ZC2HC1B: variants seen among roughly 807,000 people sequenced by gnomAD.
ZC2HC1B encodes zinc finger C2HC-type containing 1B, also known as zinc finger C2HC domain-containing protein 1B.
ZC2HC1B carries 36 observed loss-of-function variants against 31.0 expected under a neutral mutation model. The observed-to-expected ratio is 1.16, with a 90% confidence interval of 0.89 to 1.54. The LOEUF (loss-of-function observed/expected upper bound fraction) is 1.54. Ranked by LOEUF, ZC2HC1B falls within the 40% of genes most tolerant of loss-of-function variation. ZC2HC1B has a pLI of 0.00. For missense variants in ZC2HC1B, 260 were observed against 268.6 expected (o/e 0.97, Z 0.22); for synonymous variants, 73 against 88.0 (o/e 0.83, Z 0.95).
Position 143,910,029 on chromosome 6 carries a change from C to T in ZC2HC1B, c.598+6877C>T, listed in dbSNP as rs540899309. Among the ~76,000 whole-genome samples, 33 of 152,088 alleles carry T rather than the reference C, an allele frequency of 2.2e-4. 2 individuals carry two copies. The highest frequency in any genetic ancestry group is 1.1e-3 in the Admixed American group (17 of 15,270). ...TCAATTTGAGCTCTTTCTAGCTTTTCGATGTGGGCATTTAGTGCTGTAAAT... is the reference window on the plus strand; with the variant it reads ...TCAATTTGAGCTCTTTCTAGCTTTTTGATGTGGGCATTTAGTGCTGTAAAT... On this transcript the variant is annotated intron_variant, in intron 6 of 7. Transcript: ENST00000237275.
chr6:143,932,747 G>A (rs1297388362), intron 6 of ZC2HC1B, among the ~76,000 whole-genome samples: 1 of 152,130 alleles, frequency 6.6e-6, no homozygotes, highest in African/African-American at 2.4e-5. Context: ...TTGTCATATT[G>A]CCAGAATTGC....
chr6:143,937,228 G>A (rs1315093121), intron 6 of ZC2HC1B, among the ~76,000 whole-genome samples: 1 of 152,040 alleles, frequency 6.6e-6, no homozygotes, highest in Non-Finnish European at 1.5e-5. Flanking sequence ...ACCCTAAGCA[G>A]GGAAGGCAGC....
At chr6:143,916,312 T>G (rs762889612) in intron 6 of ZC2HC1B, among the ~76,000 whole-genome samples, 3 of 152,182 alleles carry the variant, frequency 2.0e-5, no homozygotes, top group Non-Finnish European at 4.4e-5. Flanking sequence ...TTTCAGAAGA[T>G]GTATGGAAAC....
At chr6:143,916,799 T>C (rs1272815487) in intron 6 of ZC2HC1B, among the ~76,000 whole-genome samples, 1 of 152,244 alleles carries the variant, frequency 6.6e-6, no homozygotes, top group Non-Finnish European at 1.5e-5. Flanking sequence ...CCAGCACCTG[T>C]ACCCCCATTG....
At chr6:143,867,621 C>G (rs1777280356) in intron 1 of ZC2HC1B, among the ~76,000 whole-genome samples, 1 of 152,192 alleles carries the variant, frequency 6.6e-6, no homozygotes, top group South Asian at 2.1e-4. Flanking sequence ...TCCAACTGAT[C>G]TAGAGATCAG....
rs1207130260 is a variant in ZC2HC1B at position 143,871,120 on chromosome 6, C to G, written c.28+6553C>G. On this transcript the variant is annotated intron_variant, in intron 1 of 7. Transcript: ENST00000237275. The surrounding 1 kb of genome is among the most constrained non-coding windows in gnomAD (Gnocchi z 4.1). ...CTCAACAGGACCCATACCACTGGACCCCTAGAAATTTTATTGTGGAAGAAG... is the reference window on the plus strand; with the variant it reads ...CTCAACAGGACCCATACCACTGGACGCCTAGAAATTTTATTGTGGAAGAAG... 6.6e-6 allele frequency among the ~76,000 whole-genome samples: 1 copy of G among 152,084 alleles called. No homozygotes were observed. Among genetic ancestry groups the G allele is most frequent in the African/African-American group, 2.4e-5 (1 of 41,424 alleles).
Position 143,913,290 on chromosome 6 carries a change from G to A in ZC2HC1B, c.598+10138G>A, listed in dbSNP as rs765216240. Among the ~76,000 whole-genome samples the A allele has an allele frequency of 2.0e-5, 3 of 152,112 alleles. No homozygotes were observed. The highest frequency in any genetic ancestry group is 7.2e-5 in the African/African-American group (3 of 41,408). ...GCAAAGCTGCTGTGTTGTACTTCTA[G>A]GGAAACCCTTCCTTGTCTGGACGGT... On this transcript the variant is annotated intron_variant, in intron 6 of 7. Transcript: ENST00000237275. The surrounding 1 kb of genome is among the most constrained non-coding windows in gnomAD (Gnocchi z 5.7).
At chr6:143,901,752 C>T (rs1328121802) in intron 5 of ZC2HC1B, among the ~76,000 whole-genome samples, 1 of 152,108 alleles carries the variant, frequency 6.6e-6, no homozygotes, top group Non-Finnish European at 1.5e-5. Context: ...CTCTACATTA[C>T]CCCACCCTCC....
At chr6:143,876,259 C>A (rs931931765) in intron 1 of ZC2HC1B, among the ~76,000 whole-genome samples, 5 of 150,418 alleles carry the variant, frequency 3.3e-5, no homozygotes, top group Admixed American at 3.3e-4. Flanking sequence ...TTACTCTGTC[C>A]CCTGAACTTA....
chr6:143,897,762 G>T (rs757688931), intron 4 of ZC2HC1B, among the ~76,000 whole-genome samples: 2 of 151,878 alleles, frequency 1.3e-5, no homozygotes, highest in East Asian at 1.9e-4. Flanking sequence ...CAGTCCCATT[G>T]ACTTCCATTC....
chr6:143,933,271 T>C lies in ZC2HC1B; in HGVS notation c.599-4378T>C, dbSNP rs963895081. ...CTATAATGTTCTGAGTTGGTTAACCTTGAGCCAGGAGGTGGTGCTTTTGAG... is the reference window on the plus strand; with the variant it reads ...CTATAATGTTCTGAGTTGGTTAACCCTGAGCCAGGAGGTGGTGCTTTTGAG... On this transcript the variant is annotated intron_variant, in intron 6 of 7. Transcript: ENST00000237275. This position sits in a 1 kb window ranked among gnomAD's most constrained non-coding sequence, Gnocchi z 6.4. 6.6e-6 allele frequency among the ~76,000 whole-genome samples: 1 copy of C among 152,176 alleles called. No homozygotes were observed. Among genetic ancestry groups the C allele is most frequent in the Non-Finnish European group, 1.5e-5 (1 of 68,026 alleles).
chr6:143,932,654 T>C (rs989895598), intron 6 of ZC2HC1B, among the ~76,000 whole-genome samples: 10 of 152,238 alleles, frequency 6.6e-5, no homozygotes, highest in Non-Finnish European at 1.5e-4. Flanking sequence ...ATTCTTTATC[T>C]GGCAGTTCAG....
intron 4 of ZC2HC1B, among the ~76,000 whole-genome samples, chr6:143,888,161 T>C (rs1777553427): frequency 6.6e-6 from 1 of 152,170 alleles, no homozygotes; most frequent in African/African-American, 2.4e-5. Context: ...AAAGAGACTT[T>C]TCTTCCCCAT....
intron 6 of ZC2HC1B, among the ~76,000 whole-genome samples, chr6:143,936,530 G>A (rs1331105571): frequency 6.6e-6 from 1 of 152,234 alleles, no homozygotes; most frequent in Non-Finnish European, 1.5e-5. Context: ...GATGGGGAAT[G>A]AGTGTATAGC....
rs779644117 is a variant in ZC2HC1B at position 143,886,614 on chromosome 6, G to T, written c.211-69G>T. 46 of 1,351,614 alleles carry T rather than the reference G, an allele frequency of 3.4e-5. No homozygotes were observed. Among genetic ancestry groups the T allele is most frequent in the Non-Finnish European group, 4.3e-5 (45 of 1,043,050 alleles). 83.7% of individuals were successfully genotyped at this position (1,351,614 alleles called of 1,614,324 possible). On this transcript the variant is annotated intron_variant, in intron 3 of 7. Transcript: ENST00000237275. The surrounding 1 kb of genome is among the most constrained non-coding windows in gnomAD (Gnocchi z 4.2). ...CTGTTTCCTGTGAATTCAAATTCCA[G>T]CTTTAAACAAAATTGTAATGGAGAG...
chr6:143,910,169 T>A (rs1777841564), intron 6 of ZC2HC1B, among the ~76,000 whole-genome samples: 1 of 152,180 alleles, frequency 6.6e-6, no homozygotes, highest in African/African-American at 2.4e-5. Flanking sequence ...TGCCCACAAG[T>A]CATTCAGGAG....
At chr6:143,864,825 A>G (rs965774324) in intron 1 of ZC2HC1B, among the ~76,000 whole-genome samples, 3 of 152,238 alleles carry the variant, frequency 2.0e-5, no homozygotes, top group South Asian at 2.1e-4. Context: ...TTAAATGCCA[A>G]CCTGTGAAGT....
At chr6:143,901,249 CCTTTTTTTT>C (rs1562342680) in intron 5 of ZC2HC1B, among the ~76,000 whole-genome samples, 1 of 127,796 alleles carries the variant, frequency 7.8e-6, no homozygotes, top group African/African-American at 3.3e-5. Flanking sequence ...TTTCTTTCTT[CCTTTTTTTT>C]TTTTTTTTTT....
At position 143,934,088 on chromosome 6, in the gene ZC2HC1B, C is replaced by T. The variant is rs1395482871; in HGVS notation, c.599-3561C>T. ...ACATTTCACAGCAAATCAATTTCAG[C>T]TCTAGGTAAGGCTAAATTCTTCTCC... On this transcript the variant is annotated intron_variant, in intron 6 of 7. Transcript: ENST00000237275. The surrounding 1 kb of genome is among the most constrained non-coding windows in gnomAD (Gnocchi z 4.6). Among the ~76,000 whole-genome samples, 1 of 152,226 alleles carries T rather than the reference C, an allele frequency of 6.6e-6. No individual in the cohort carries two copies. Among genetic ancestry groups the T allele is most frequent in the Non-Finnish European group, 1.5e-5 (1 of 68,042 alleles).
Sources: gnomAD v4.1 joint callset for allele counts (sites outside exome capture counted in the v4.1 genomes callset) on GRCh38, gnomAD v4.1.1 for gene constraint, Gnocchi (gnomAD v3.1) non-coding constraint, MANE v1.5 for transcripts, NCBI Gene and HGNC (gene_info 2026-07-23, HGNC 2026-07-21) for gene names.